The following MCPH1 variants were observed in gnomAD, a reference collection of about 807,000 sequenced individuals.
MCPH1 encodes the protein microcephalin 1.
A neutral mutation model predicts 84.5 loss-of-function variants in MCPH1; 104 were observed. The ratio of observed to expected loss-of-function variants is 1.23; its 90% confidence interval spans 1.05 to 1.45. The LOEUF (loss-of-function observed/expected upper bound fraction) is 1.45, where lower values mean the gene tolerates loss of function less well. Ranked by LOEUF, MCPH1 falls within the 40% of genes most tolerant of loss-of-function variation. MCPH1 has a pLI of 0.00. For synonymous variants in MCPH1, 514 were observed against 366.8 expected (o/e 1.40, Z -4.58); for missense variants, 1,498 against 1,005.7 (o/e 1.49, Z -6.62).
rs1298981923 is a variant in MCPH1, at chr8:6,411,542, G to T, written c.114+2172G>T. ...CCACTTTAAGGAAAGGAAGAAAATT[G>T]TGTGTTGAAGTTGCTAAGATCGACA... On this transcript the variant is annotated intron_variant, in intron 2 of 13. Coordinates refer to ENST00000344683, the MANE Select transcript of MCPH1 (RefSeq NM_024596.5). 2.6e-5 allele frequency among the ~76,000 whole-genome samples: 4 copies of T among 152,166 alleles called. No individual in the cohort carries two copies. The South Asian group carries it at 8.3e-4, about 32-fold the overall frequency.
intron 4 of MCPH1, among the ~76,000 whole-genome samples, chr8:6,435,322 A>G (rs2129554495): frequency 6.6e-6 from 1 of 152,286 alleles, no homozygotes; most frequent in African/African-American, 2.4e-5. Flanking sequence ...AGATCATGCC[A>G]CTTGTTTTGA....
Position 6,607,665 on chromosome 8 carries a change from AC to A in MCPH1, c.2215-13788del, listed in dbSNP as rs1829900134. Reference sequence around the variant, plus strand: ...AATCATGGGGGCAGTTTCCCCCCATACAGTTCTCATGGTAGTGAATAAGTCT... The same window carrying A: ...AATCATGGGGGCAGTTTCCCCCCATAAGTTCTCATGGTAGTGAATAAGTCT... On this transcript the variant is annotated intron_variant, in intron 12 of 13. Transcript: ENST00000344683. 2.0e-5 allele frequency among the ~76,000 whole-genome samples: 3 copies of A among 152,270 alleles called. No individual in the cohort carries two copies. In the South Asian group the frequency reaches 6.2e-4, roughly 32 times the overall value.
chr8:6,482,929 G>A (rs1259338443), intron 11 of MCPH1, among the ~76,000 whole-genome samples: 1 of 152,170 alleles, frequency 6.6e-6, no homozygotes, highest in Non-Finnish European at 1.5e-5. Context: ...AAGGCAATCA[G>A]ACAAGAAAAG....
chr8:6,635,052 G>C (rs901322418), intron 13 of MCPH1: 3 of 152,208 alleles, frequency 2.0e-5, no homozygotes, highest in African/African-American at 7.2e-5. Flanking sequence ...GTTCAGTGAT[G>C]ATGATGAACC....
At chr8:6,467,316 CTT>C (rs1250139705) in intron 9 of MCPH1, among the ~76,000 whole-genome samples, 1 of 151,960 alleles carries the variant, frequency 6.6e-6, no homozygotes, top group Non-Finnish European at 1.5e-5. Context: ...ATTTTGAAAA[CTT>C]TTTTTTGAAG....
rs777841307 is a variant in MCPH1 at position 6,412,236 on chromosome 8, C to T, written c.115-2529C>T. On this transcript the variant is annotated intron_variant, in intron 2 of 13. Transcript: ENST00000344683. ...TGTAATACACTGGAATGTAGGAACCCGAGGGAGTCTGCATGTTGCACATGC... is the reference window on the plus strand; with the variant it reads ...TGTAATACACTGGAATGTAGGAACCTGAGGGAGTCTGCATGTTGCACATGC... 2.0e-5 allele frequency among the ~76,000 whole-genome samples: 3 copies of T among 152,028 alleles called. 1 individual carries two copies. The highest frequency in any genetic ancestry group is 1.5e-5 in the Non-Finnish European group (1 of 68,026).
chr8:6,423,185 C>A (rs62504904), intron 3 of MCPH1, among the ~76,000 whole-genome samples: 1 of 110,786 alleles, frequency 9.0e-6, no homozygotes, highest in Non-Finnish European at 1.9e-5. Context: ...TTTTTCTTTT[C>A]TTTTCTTTTT....
At chr8:6,513,186 C>A (rs1815525102) in intron 12 of MCPH1, among the ~76,000 whole-genome samples, 1 of 152,068 alleles carries the variant, frequency 6.6e-6, no homozygotes, top group Non-Finnish European at 1.5e-5. Flanking sequence ...TATGAAGTTT[C>A]TTTTATATTG....
At chr8:6,554,352 C>G (rs1824211649) in intron 12 of MCPH1, among the ~76,000 whole-genome samples, 2 of 151,586 alleles carry the variant, frequency 1.3e-5, no homozygotes, top group African/African-American at 4.8e-5. Context: ...CCTTTTAAGA[C>G]TTTGTTCACG....
At chr8:6,505,801 TGC>T (rs1364810171) in intron 12 of MCPH1, among the ~76,000 whole-genome samples, 1 of 90,912 alleles carries the variant, frequency 1.1e-5, no homozygotes, top group Non-Finnish European at 2.9e-5. Context: ...TATAAAAACA[TGC>T]ATATTCTTTA....
intron 9 of MCPH1, among the ~76,000 whole-genome samples, chr8:6,468,601 C>A (rs1034709989): frequency 6.6e-6 from 1 of 150,412 alleles, no homozygotes; most frequent in African/African-American, 2.4e-5. Context: ...ATTGTTTGAA[C>A]ACTTTAGACA....
intron 12 of MCPH1, among the ~76,000 whole-genome samples, chr8:6,545,994 T>A (rs563468371): frequency 6.6e-6 from 1 of 152,348 alleles, no homozygotes; most frequent in African/African-American, 2.4e-5. Flanking sequence ...GAAGCCATTG[T>A]CATTACAGAT....
chr8:6,619,566 C>T (rs1006277615), intron 12 of MCPH1, among the ~76,000 whole-genome samples: 1 of 152,130 alleles, frequency 6.6e-6, no homozygotes, highest in Non-Finnish European at 1.5e-5. Flanking sequence ...GCTGGGATTA[C>T]AGGCGTGAGC....
At chr8:6,492,884 G>T (rs1156402777) in intron 11 of MCPH1, among the ~76,000 whole-genome samples, 1 of 151,968 alleles carries the variant, frequency 6.6e-6, no homozygotes, top group African/African-American at 2.4e-5. Flanking sequence ...ACTGCGCTTT[G>T]CCATGTAAAT....
chr8:6,446,761 A>T (rs908133933), intron 8 of MCPH1: 1 of 985,204 alleles, frequency 1.0e-6, no homozygotes, highest in Non-Finnish European at 1.2e-6. Context: ...AATGACATGG[A>T]AATGTAAATT....
chr8:6,595,238 C>T (rs2442577), intron 12 of MCPH1, among the ~76,000 whole-genome samples: 1 of 152,052 alleles, frequency 6.6e-6, no homozygotes, highest in Non-Finnish European at 1.5e-5. Context: ...GATCCCTGTC[C>T]ACATGGAGAC....
At chr8:6,431,374 T>TA in intron 3 of MCPH1, 125 bp from the exon 4 acceptor site, 3 of 725,128 alleles carry the variant, frequency 4.1e-6, no homozygotes, top group Non-Finnish European at 7.2e-6. Flanking sequence ...ATTTATTTTT[T>TA]AAAAGTCTGT....
intron 12 of MCPH1, among the ~76,000 whole-genome samples, chr8:6,517,330 C>T (rs923301555): frequency 2.0e-5 from 3 of 152,146 alleles, no homozygotes; most frequent in Non-Finnish European, 4.4e-5. Context: ...AACTCTGAGG[C>T]AATGATTAAG....
At chr8:6,432,868 C>T (rs570789203) in intron 4 of MCPH1, among the ~76,000 whole-genome samples, 1 of 152,334 alleles carries the variant, frequency 6.6e-6, no homozygotes, top group African/African-American at 2.4e-5. Flanking sequence ...TGTAAAAACA[C>T]ATCAGTAGTA....
Sources: gnomAD v4.1 joint callset for allele counts (sites outside exome capture counted in the v4.1 genomes callset) on GRCh38, gnomAD v4.1.1 for gene constraint, MANE v1.5 for transcripts, NCBI Gene and HGNC (gene_info 2026-07-23, HGNC 2026-07-21) for gene names.